TRHDE: variants seen among roughly 807,000 people sequenced by gnomAD.
TRHDE encodes thyrotropin releasing hormone degrading enzyme.
In TRHDE, 72 loss-of-function variants were observed where a neutral mutation model predicts 125.7. That is an observed-to-expected ratio of 0.57 (90% CI 0.47 to 0.70). TRHDE has a LOEUF of 0.70. Ranked by LOEUF, TRHDE falls within the 30% of genes least tolerant of loss-of-function variation. TRHDE has a pLI of 0.00. For missense variants in TRHDE, 1,110 were observed against 1,327.1 expected (o/e 0.84, Z 2.54); for synonymous variants, 509 against 509.1 (o/e 1.00, Z 0.00).
intron 2 of TRHDE, among the ~76,000 whole-genome samples, chr12:72,353,678 T>C (rs1480349296): frequency 6.6e-6 from 1 of 151,568 alleles, no homozygotes; most frequent in African/African-American, 2.4e-5. Flanking sequence ...CTTACGTGTA[T>C]ATGGATACTC....
intron 4 of TRHDE, among the ~76,000 whole-genome samples, chr12:72,471,029 C>T (rs905893561): frequency 1.3e-5 from 2 of 151,744 alleles, no homozygotes; most frequent in Non-Finnish European, 2.9e-5. Flanking sequence ...GGTGCCCACA[C>T]CATGCCCAGC....
At chr12:72,539,196 A>G (rs1406448723) in intron 6 of TRHDE, among the ~76,000 whole-genome samples, 1 of 151,928 alleles carries the variant, frequency 6.6e-6, no homozygotes, top group East Asian at 1.9e-4. Flanking sequence ...AAAACAGTAG[A>G]ATACTTTCTC....
chr12:72,406,342 G>T (rs757675077), intron 3 of TRHDE, among the ~76,000 whole-genome samples: 3 of 152,110 alleles, frequency 2.0e-5, no homozygotes, highest in Non-Finnish European at 4.4e-5. Flanking sequence ...GAATCCCAGT[G>T]GAAGTCCAGC....
intron 2 of TRHDE, among the ~76,000 whole-genome samples, chr12:72,335,999 C>T (rs969026273): frequency 1.3e-5 from 2 of 152,114 alleles, no homozygotes; most frequent in Admixed American, 1.3e-4. Context: ...TTTTGTTAGA[C>T]ATAAGCACAT....
intron 2 of TRHDE, among the ~76,000 whole-genome samples, chr12:72,325,788 A>G (rs1349555035): frequency 2.6e-5 from 4 of 152,146 alleles, no homozygotes; most frequent in African/African-American, 9.7e-5. Flanking sequence ...AGCCAAGCCA[A>G]TTCTCATTTT....
At chr12:72,148,012 GT>G (rs775063930) in intron 2 of TRHDE, among the ~76,000 whole-genome samples, 1 of 152,206 alleles carries the variant, frequency 6.6e-6, no homozygotes, top group Non-Finnish European at 1.5e-5. Context: ...GTACTTTGCA[GT>G]TTTCACACTG....
intron 2 of TRHDE, among the ~76,000 whole-genome samples, chr12:72,204,495 G>T (rs1054219619): frequency 1.1e-4 from 17 of 152,022 alleles, no homozygotes; most frequent in Non-Finnish European, 1.8e-4. Context: ...CTTTTTGTTT[G>T]ATGCCTCCCT....
intron 3 of TRHDE, among the ~76,000 whole-genome samples, chr12:72,456,569 C>T (rs562613525): frequency 6.6e-6 from 1 of 152,054 alleles, no homozygotes; most frequent in South Asian, 2.1e-4. Flanking sequence ...AGTTACATGT[C>T]GTTTTGAGCT....
chr12:72,246,506 C>T (rs1040374698), intron 2 of TRHDE, among the ~76,000 whole-genome samples: 2 of 152,144 alleles, frequency 1.3e-5, no homozygotes, highest in African/African-American at 4.8e-5. Context: ...ATCATTTCCA[C>T]TTTTCTATTT....
intron 2 of TRHDE, among the ~76,000 whole-genome samples, chr12:72,154,263 A>T (rs1168227986): frequency 1.3e-5 from 2 of 152,022 alleles, no homozygotes; most frequent in Non-Finnish European, 1.5e-5. Context: ...ATCTTCCTCC[A>T]TCCCTTTATT....
intron 2 of TRHDE, among the ~76,000 whole-genome samples, chr12:72,246,594 C>T (rs542292512): frequency 2.6e-5 from 4 of 152,282 alleles, no homozygotes; most frequent in Middle Eastern, 3.4e-3. Flanking sequence ...GCAGCTGACT[C>T]GCTTAACATA....
intron 12 of TRHDE, among the ~76,000 whole-genome samples, chr12:72,599,887 A>G (rs895706500): frequency 6.6e-6 from 1 of 152,050 alleles, no homozygotes; most frequent in East Asian, 1.9e-4. Context: ...CTTACATTTA[A>G]ATTTTTAATC....
chr12:72,154,556 G>A (rs1008743357), intron 2 of TRHDE, among the ~76,000 whole-genome samples: 2 of 152,180 alleles, frequency 1.3e-5, no homozygotes, highest in East Asian at 3.8e-4. Context: ...CATGTTTAGT[G>A]CTTCCTTCAG....
In TRHDE at chr12:72,621,671, G is replaced by C; in HGVS notation, c.2595G>C (p.Leu865=). The part of the protein sequence containing the change: ...HEELRREVIM[L]ACSFGNKHCH... ...AACTACGTAGAGAAGTTATAATGCTGGCCTGCAGTTTTGGCAACAAGCACT... is the reference window on the plus strand; with the variant it reads ...AACTACGTAGAGAAGTTATAATGCTCGCCTGCAGTTTTGGCAACAAGCACT... Residue 865 remains leucine, a synonymous_variant, in exon 15 of 19, where the codon CTG becomes CTC. Transcript: ENST00000261180. The C allele has an allele frequency of 6.2e-7, 1 of 1,606,540 alleles. No individual in the cohort carries two copies. Among genetic ancestry groups the C allele is most frequent in the Non-Finnish European group, 8.5e-7 (1 of 1,177,594 alleles).
chr12:72,135,843 G>C (rs1284127742), intron 2 of TRHDE, among the ~76,000 whole-genome samples: 1 of 151,938 alleles, frequency 6.6e-6, no homozygotes, highest in Non-Finnish European at 1.5e-5. Context: ...TGCTGCCCCT[G>C]TGGCATTTAT....
chr12:72,362,165 T>G (rs1400733531), intron 2 of TRHDE, among the ~76,000 whole-genome samples: 14 of 137,426 alleles, frequency 1.0e-4, no homozygotes, highest in African/African-American at 3.9e-4. Context: ...TTGAACTAGT[T>G]TACAGTCCCA....
chr12:72,394,532 G>A (rs769699225), intron 3 of TRHDE, among the ~76,000 whole-genome samples: 11 of 152,038 alleles, frequency 7.2e-5, no homozygotes, highest in African/African-American at 1.2e-4. Context: ...TCAAGTTCAC[G>A]TCTTCTGTTC....
At chr12:72,544,777 T>C (rs1413414285) in intron 7 of TRHDE, among the ~76,000 whole-genome samples, 1 of 151,602 alleles carries the variant, frequency 6.6e-6, no homozygotes, top group Non-Finnish European at 1.5e-5. Context: ...TGTATATGTG[T>C]GTGTGTATAT....
intron 2 of TRHDE, among the ~76,000 whole-genome samples, chr12:72,355,160 A>G (rs1039520365): frequency 6.6e-6 from 1 of 151,572 alleles, no homozygotes; most frequent in African/African-American, 2.4e-5. Flanking sequence ...TATTGTGCCA[A>G]GTATTCGTTA....
Sources: allele counts gnomAD v4.1 joint callset (sites outside exome capture counted in the v4.1 genomes callset), GRCh38; gene constraint gnomAD v4.1.1; transcripts MANE v1.5; gene names NCBI Gene and HGNC (gene_info 2026-07-23, HGNC 2026-07-21).